Variants in HS6ST2 observed in about 807,000 individuals in gnomAD.
HS6ST2 encodes heparan sulfate 6-O-sulfotransferase 2.
In HS6ST2, 17 loss-of-function variants were observed where a neutral mutation model predicts 33.0. The ratio of observed to expected loss-of-function variants is 0.52; its 90% confidence interval spans 0.35 to 0.77. HS6ST2 has a LOEUF of 0.77. Ranked by LOEUF, HS6ST2 falls within the 30% of genes least tolerant of loss-of-function variation. HS6ST2 has a pLI of 0.01. For missense variants in HS6ST2, 519 were observed against 551.7 expected (o/e 0.94, Z 0.59); for synonymous variants, 248 against 237.1 (o/e 1.05, Z -0.42).
intron 2 of HS6ST2, among the ~76,000 whole-genome samples, chrX:132,932,707 T>C (rs988727764): frequency 9.1e-5 from 10 of 110,047 alleles, no homozygotes; most frequent in African/African-American, 3.3e-4. Flanking sequence ...AAGTAGCCTT[T>C]AGAAATAGTG....
upstream of HS6ST2, among the ~76,000 whole-genome samples, chrX:132,959,711 C>T (rs1182944222): frequency 2.7e-5 from 3 of 112,455 alleles, no homozygotes; most frequent in Non-Finnish European, 3.8e-5. Context: ...ACTTGCCCCT[C>T]CTGAGCCTCA....
At chrX:132,924,956 C>T (rs1042354823) in intron 2 of HS6ST2, among the ~76,000 whole-genome samples, 2 of 111,367 alleles carry the variant, frequency 1.8e-5, no homozygotes, top group Non-Finnish European at 3.8e-5. Context: ...GACCGTGCGC[C>T]TGTGGTCCCA....
At chrX:132,713,567 G>T (rs1035479488) in intron 2 of HS6ST2, among the ~76,000 whole-genome samples, 10 of 111,699 alleles carry the variant, frequency 9.0e-5, no homozygotes, top group African/African-American at 3.3e-4. Flanking sequence ...CTGTTTGACC[G>T]CTCTTAATTC....
chrX:132,702,297 G>C (rs1007937443), intron 3 of HS6ST2, among the ~76,000 whole-genome samples: 2 of 112,354 alleles, frequency 1.8e-5, no homozygotes, highest in Admixed American at 1.9e-4. Flanking sequence ...AACTCTTAAT[G>C]CTTGCGTTTT....
chrX:132,755,252 A>C (rs1321884476), intron 2 of HS6ST2, among the ~76,000 whole-genome samples: 1 of 111,961 alleles, frequency 8.9e-6, no homozygotes, highest in Non-Finnish European at 1.9e-5. Context: ...TCAAGTTTTT[A>C]TACCTTTGGC....
Position 132,682,834 on chromosome X carries a change from G to C in HS6ST2, c.981-13635C>G, listed in dbSNP as rs187314517. 5.7e-3 allele frequency among the ~76,000 whole-genome samples: 631 copies of C among 110,619 alleles called. 1 individual carries two copies. Among genetic ancestry groups the C allele is most frequent in the Middle Eastern group, 0.028 (6 of 218 alleles). On this transcript the variant is annotated intron_variant, in intron 3 of 4. Coordinates refer to ENST00000370833, the MANE Select transcript of HS6ST2 (RefSeq NM_001394073.1). ...TTTAAAAATTTCCCAGGCCAGGCACGGTGGCTCACACCTGTAATCCCAACA... is the reference window on the plus strand; with the variant it reads ...TTTAAAAATTTCCCAGGCCAGGCACCGTGGCTCACACCTGTAATCCCAACA...
At chrX:132,771,335 T>C (rs1346319453) in intron 2 of HS6ST2, among the ~76,000 whole-genome samples, 1 of 112,107 alleles carries the variant, frequency 8.9e-6, no homozygotes. Context: ...TAATGAACAA[T>C]GTATTACTCT....
intron 2 of HS6ST2, among the ~76,000 whole-genome samples, chrX:132,767,975 A>T (rs1185577070): frequency 9.0e-6 from 1 of 111,416 alleles, no homozygotes; most frequent in Non-Finnish European, 1.9e-5. Context: ...TTAACTTAGT[A>T]GACCTAGCCA....
At chrX:132,766,987 A>G (rs1407607996) in intron 2 of HS6ST2, among the ~76,000 whole-genome samples, 1 of 111,855 alleles carries the variant, frequency 8.9e-6, no homozygotes, top group Non-Finnish European at 1.9e-5. Context: ...CAAATGACAG[A>G]GCTTGGATTG....
At chrX:132,749,690 A>G (rs754162888) in intron 2 of HS6ST2, among the ~76,000 whole-genome samples, 204 of 111,611 alleles carry the variant, frequency 1.8e-3, no homozygotes, top group African/African-American at 6.4e-3. Context: ...GTCTGGATGC[A>G]TTTATTTTGA....
rs779585327 is a variant in HS6ST2, at chrX:132,828,693, TACACACACACACACAC to T, written c.948-120215_948-120200del. ...ATATCATATTTTATATATATATATA[TACACACACACACACAC>T]ACACACACACACACACACACACACA... On this transcript the variant is annotated intron_variant, in intron 2 of 4. Coordinates refer to ENST00000370833, the MANE Select transcript of HS6ST2 (RefSeq NM_001394073.1). 2.7e-4 allele frequency among the ~76,000 whole-genome samples: 20 copies of T among 72,915 alleles called. 1 individual carries two copies. Among genetic ancestry groups the T allele is most frequent in the African/African-American group, 1.1e-3 (18 of 17,120 alleles). 63.3% of individuals were successfully genotyped at this position (72,915 alleles called of 115,157 possible).
At chrX:132,928,885 G>T (rs1401940710) in intron 2 of HS6ST2, among the ~76,000 whole-genome samples, 1 of 111,192 alleles carries the variant, frequency 9.0e-6, no homozygotes, top group African/African-American at 3.3e-5. Flanking sequence ...ATGTTATTAG[G>T]TCTATCTTGG....
At chrX:132,811,610 A>G (rs1452497322) in intron 2 of HS6ST2, among the ~76,000 whole-genome samples, 3 of 100,136 alleles carry the variant, frequency 3.0e-5, no homozygotes, top group Non-Finnish European at 6.0e-5. Context: ...AATGTCTTCA[A>G]AGTTCACCCA....
At chrX:132,633,654 G>T (rs1253383566) in intron 4 of HS6ST2, among the ~76,000 whole-genome samples, 1 of 111,304 alleles carries the variant, frequency 9.0e-6, no homozygotes, top group Non-Finnish European at 1.9e-5. Flanking sequence ...GGAGTGGTCA[G>T]CACAAAGTGG....
Position 132,735,605 on chromosome X carries a change from C to T in HS6ST2, c.948-27111G>A, listed in dbSNP as rs760866274. 6.3e-5 allele frequency among the ~76,000 whole-genome samples: 7 copies of T among 111,599 alleles called. No homozygotes were observed. In the South Asian group the frequency reaches 2.3e-3, roughly 37 times the overall value. On this transcript the variant is annotated intron_variant, in intron 2 of 4. Coordinates refer to ENST00000370833, the MANE Select transcript of HS6ST2 (RefSeq NM_001394073.1). ...GGAAAGTTCCTGGTGTCAATCACTA[C>T]AGCTTAAACAGGAAGGCTGGTCTCA...
At chrX:132,956,669 G>A in intron 2 of HS6ST2, 139 bp downstream of exon 2, 3 of 691,960 alleles carry the variant, frequency 4.3e-6, no homozygotes, top group Middle Eastern at 5.1e-4. Flanking sequence ...GCGCTACTGG[G>A]CGCCCAGCAC....
chrX:132,814,723 C>G (rs2148369745), intron 2 of HS6ST2, among the ~76,000 whole-genome samples: 1 of 111,557 alleles, frequency 9.0e-6, no homozygotes, highest in South Asian at 3.8e-4. Flanking sequence ...ATTCTCCTCC[C>G]TTTTCCTACT....
chrX:132,910,058 AATTTCTAATATTTTCACGTTCGCTCTACC>A (rs1443241100), intron 2 of HS6ST2, among the ~76,000 whole-genome samples: 1 of 111,340 alleles, frequency 9.0e-6, no homozygotes, highest in Non-Finnish European at 1.9e-5. Context: ...ATTGAGCATA[AATTTCTAATATTTTCACGTTCGCTCTACC>A]ATTTGCCATC....
upstream of HS6ST2, among the ~76,000 whole-genome samples, chrX:132,959,936 C>T (rs1483995501): frequency 2.7e-5 from 3 of 112,119 alleles, no homozygotes; most frequent in Non-Finnish European, 3.8e-5. Flanking sequence ...TTTACCACCC[C>T]CTAGAATTCC....
Sources: allele counts gnomAD v4.1 joint callset (sites outside exome capture counted in the v4.1 genomes callset), GRCh38; gene constraint gnomAD v4.1.1; transcripts MANE v1.5; gene names NCBI Gene and HGNC (gene_info 2026-07-23, HGNC 2026-07-21).